Variants in PKM observed in about 807,000 individuals in gnomAD.
PKM encodes the protein pyruvate kinase PKM.
Under a neutral mutation model 49.8 loss-of-function variants are expected in PKM, and 18 were observed. The observed-to-expected ratio is 0.36, with a 90% confidence interval of 0.25 to 0.54. The LOEUF is 0.54. Ranked by LOEUF, PKM falls within the 20% of genes least tolerant of loss-of-function variation. The pLI, the probability that PKM is intolerant of heterozygous loss-of-function variation, is 0.89. For synonymous variants in PKM, 239 were observed against 261.8 expected (o/e 0.91, Z 0.84); for missense variants, 508 against 713.8 (o/e 0.71, Z 3.28).
At chr15:72,229,455 C>G in intron 1 of PKM, 1 of 717,190 alleles carries the variant, frequency 1.4e-6, no homozygotes, top group Non-Finnish European at 2.1e-6. Flanking sequence ...CCACGTGGAC[C>G]TTCACTGTCG....
At position 72,202,308 on chromosome 15, in the gene PKM, C is replaced by T. The variant is rs2081964488; in HGVS notation, c.1307+146G>A. 3.7e-6 allele frequency: 3 copies of T among 802,148 alleles called. No individual in the cohort carries two copies. Among genetic ancestry groups the T allele is most frequent in the Non-Finnish European group, 6.3e-6 (3 of 479,690 alleles). 49.7% of individuals were successfully genotyped at this position (802,148 alleles called of 1,614,324 possible). On this transcript the variant is annotated intron_variant, in intron 9 of 10. Transcript: ENST00000335181. This position sits in a 1 kb window ranked among gnomAD's most constrained non-coding sequence, Gnocchi z 4.5. ...GCCCAGGGAAGGGGCTCTGCTCAAT[C>T]CTTCCCTGCAGGCCCAAGGTGGCAG...
At chr15:72,221,324 C>T (rs1486179002) in intron 1 of PKM, 2 of 1,264,120 alleles carry the variant, frequency 1.6e-6, no homozygotes, top group South Asian at 1.3e-5. Flanking sequence ...GTAACTAAAG[C>T]TCTTTGGGGT....
rs2081868223 is a variant in PKM, at chr15:72,199,261, C to G, written c.*389G>C. ...ACAACAGCCCAGTGCCCTAAGGCCCCTAACTCTTGCTGGCTGTTTCTTGAC... is the reference window on the plus strand; with the variant it reads ...ACAACAGCCCAGTGCCCTAAGGCCCGTAACTCTTGCTGGCTGTTTCTTGAC... On this transcript the variant is annotated 3_prime_UTR_variant, in exon 11 of 11. Coordinates refer to ENST00000335181, the MANE Select transcript of PKM (RefSeq NM_002654.6). 5.3e-6 allele frequency: 2 copies of G among 380,798 alleles called. No individual in the cohort carries two copies. The highest frequency in any genetic ancestry group is 1.0e-5 in the Non-Finnish European group (2 of 195,790). 23.6% of individuals were successfully genotyped at this position (380,798 alleles called of 1,614,324 possible).
intron 9 of PKM, chr15:72,201,602 T>C (rs952916730): frequency 1.3e-5 from 2 of 152,304 alleles, no homozygotes; most frequent in African/African-American, 2.4e-5. Flanking sequence ...GAGCTTAAAA[T>C]AGCCAAACAG....
intron 1 of PKM, among the ~76,000 whole-genome samples, chr15:72,222,175 A>G (rs948631161): frequency 3.3e-5 from 5 of 152,212 alleles, no homozygotes. Context: ...TTTTTTGCCA[A>G]TAAGTACAAA....
intron 1 of PKM, among the ~76,000 whole-genome samples, chr15:72,226,063 G>A (rs746683404): frequency 6.6e-6 from 1 of 152,076 alleles, no homozygotes; most frequent in Non-Finnish European, 1.5e-5. Flanking sequence ...AACCAAAGAG[G>A]GATACCCAGA....
At chr15:72,225,291 T>C (rs1250051429) in intron 1 of PKM, among the ~76,000 whole-genome samples, 1 of 151,788 alleles carries the variant, frequency 6.6e-6, no homozygotes, top group Non-Finnish European at 1.5e-5. Flanking sequence ...GTTCATTTTT[T>C]CTCCATCCCC....
At position 72,219,108 on chromosome 15, in the gene PKM, G is replaced by A. The variant is rs746831264; in HGVS notation, c.-11C>T. On this transcript the variant is annotated splice_region_variant and 5_prime_UTR_variant, in exon 2 of 11. Coordinates refer to ENST00000335181, the MANE Select transcript of PKM (RefSeq NM_002654.6). ...ATGGGGCTTCGACATGGCTGCTGAG[G>A]TCCTGGGTCGAGACAAATTGAAAGA... 13 of 1,611,460 alleles carry A rather than the reference G, an allele frequency of 8.1e-6. No homozygotes were observed. Among genetic ancestry groups the A allele is most frequent in the Non-Finnish European group, 1.1e-5 (13 of 1,177,968 alleles).
intron 1 of PKM, chr15:72,229,636 AG>A: frequency 7.9e-7 from 1 of 1,261,398 alleles, no homozygotes; most frequent in South Asian, 1.2e-5. Flanking sequence ...AGACCTTACG[AG>A]GCTTCCTGTC....
chr15:72,199,643 G>A lies in PKM; in HGVS notation c.*7C>T. 3 of 1,604,446 alleles carry A rather than the reference G, an allele frequency of 1.9e-6. No individual in the cohort carries two copies. The highest frequency in any genetic ancestry group is 1.7e-6 in the Non-Finnish European group (2 of 1,171,594). ...GACAGGGGCTGGAGGAGGGGCTCTG[G>A]GGTCCATCACGGCACAGGAACAACA... On this transcript the variant is annotated 3_prime_UTR_variant, in exon 11 of 11. Coordinates refer to ENST00000335181, the MANE Select transcript of PKM (RefSeq NM_002654.6).
chr15:72,203,445 G>A, intron 8 of PKM: 1 of 522,784 alleles, frequency 1.9e-6, no homozygotes, highest in Non-Finnish European at 3.5e-6. Context: ...ATTGGGGGTG[G>A]AGGGAGACAA....
In PKM at chr15:72,199,686, G is replaced by A. The variant is rs572119905; in HGVS notation, c.1560C>T (p.Gly520=). The A allele has an allele frequency of 1.9e-6, 3 of 1,613,928 alleles. No individual in the cohort carries two copies. Among genetic ancestry groups the A allele is most frequent in the South Asian group, 2.2e-5 (2 of 91,080 alleles). The change falls in exon 11 of 11, where the codon GGC becomes GGT. Residue 520 remains glycine, a synonymous_variant. Coordinates refer to ENST00000335181, the MANE Select transcript of PKM (RefSeq NM_002654.6). ...GAACAACACGCATGGTGTTGGTGAA[G>A]CCGGAGCCAGGGCGCCATCCGGTCA... ...IVLTGWRPGS[G]FTNTMRVVPV... is the part of the protein sequence containing the mutation.
intron 1 of PKM, chr15:72,221,183 G>A: frequency 6.5e-7 from 1 of 1,532,798 alleles, no homozygotes; most frequent in Non-Finnish European, 8.7e-7. Flanking sequence ...GTTCTCTGGG[G>A]TTGGGCTTCC....
chr15:72,214,973 C>T (rs1006033943), intron 3 of PKM, among the ~76,000 whole-genome samples: 1 of 151,316 alleles, frequency 6.6e-6, no homozygotes, highest in Non-Finnish European at 1.5e-5. Context: ...CCGAGGCAGT[C>T]GGATCACCTG....
chr15:72,203,338 G>A, intron 8 of PKM: 2 of 690,630 alleles, frequency 2.9e-6, no homozygotes, highest in Non-Finnish European at 5.1e-6. Flanking sequence ...GGCAGATGCA[G>A]AGGTAGGGTG....
chr15:72,221,382 T>C, intron 1 of PKM: 1 of 648,604 alleles, frequency 1.5e-6, no homozygotes, highest in South Asian at 1.9e-5. Flanking sequence ...ACAGCTGCTC[T>C]AGAGATTCCA....
At chr15:72,219,701 A>G (rs1373381882) in intron 1 of PKM, among the ~76,000 whole-genome samples, 10 of 152,170 alleles carry the variant, frequency 6.6e-5, no homozygotes, top group Admixed American at 6.5e-4. Context: ...AACCACATCT[A>G]CTGTTGGCCA....
intron 8 of PKM, among the ~76,000 whole-genome samples, chr15:72,204,794 T>G (rs1244745347): frequency 2.0e-5 from 3 of 152,218 alleles, no homozygotes; most frequent in Non-Finnish European, 1.5e-5. Flanking sequence ...ATGCAGTGAT[T>G]TCATGGTTCA....
At chr15:72,213,325 A>G (rs2082300821) in intron 3 of PKM, among the ~76,000 whole-genome samples, 1 of 152,230 alleles carries the variant, frequency 6.6e-6, no homozygotes, top group Non-Finnish European at 1.5e-5. Flanking sequence ...GTTTCAAAGA[A>G]CACAGTGGGA....
Sources: allele counts gnomAD v4.1 joint callset (sites outside exome capture counted in the v4.1 genomes callset), GRCh38; gene constraint gnomAD v4.1.1; non-coding constraint Gnocchi (gnomAD v3.1); transcripts MANE v1.5; gene names NCBI Gene and HGNC (gene_info 2026-07-23, HGNC 2026-07-21).